The following SHANK2 variants were observed in gnomAD, a reference collection of about 807,000 sequenced individuals.
The protein encoded by SHANK2 is SH3 and multiple ankyrin repeat domains protein 2.
SHANK2 carries 43 observed loss-of-function variants against 133.7 expected under a neutral mutation model. That is an observed-to-expected ratio of 0.32 (90% CI 0.25 to 0.41). The LOEUF is 0.41. Ranked by LOEUF, SHANK2 falls within the 10% of genes least tolerant of loss-of-function variation. The pLI is 1.00. For missense variants in SHANK2, 1,994 were observed against 2,235.8 expected (o/e 0.89, Z 2.18); for synonymous variants, 1,017 against 952.8 (o/e 1.07, Z -1.24).
intron 3 of SHANK2, among the ~76,000 whole-genome samples, chr11:71,132,770 T>C (rs562172380): frequency 1.5e-4 from 23 of 152,354 alleles, no homozygotes; most frequent in Non-Finnish European, 2.8e-4. Flanking sequence ...GGCTTGACTT[T>C]CCATGGCAAC....
At chr11:70,818,810 C>T (rs1948457627) in intron 12 of SHANK2, among the ~76,000 whole-genome samples, 1 of 152,216 alleles carries the variant, frequency 6.6e-6, no homozygotes, top group South Asian at 2.1e-4. Context: ...GAGAAGTGGG[C>T]TCTCACCGGC....
rs1406697349 is a variant in SHANK2 at position 71,240,518 on chromosome 11, A to G, written c.-113+11907T>C. On this transcript the variant is annotated intron_variant, in intron 1 of 25. Coordinates refer to ENST00000601538, the MANE Select transcript of SHANK2 (RefSeq NM_012309.5). ...CGGGGACACTGCAGGCCAGGGGGCC[A>G]AGCAAGAAGGGGCAGACCCCAGCCC... 3.9e-5 allele frequency among the ~76,000 whole-genome samples: 6 copies of G among 152,306 alleles called. No individual in the cohort carries two copies. In the East Asian group the frequency reaches 9.7e-4, roughly 25 times the overall value.
At chr11:70,744,446 T>C (rs1946597051) in intron 14 of SHANK2, among the ~76,000 whole-genome samples, 1 of 152,216 alleles carries the variant, frequency 6.6e-6, no homozygotes, top group African/African-American at 2.4e-5. Flanking sequence ...TGGCAGGCTA[T>C]GCCCCCGGCC....
At chr11:71,167,581 G>A (rs1215018200) in intron 2 of SHANK2, among the ~76,000 whole-genome samples, 18 of 136,568 alleles carry the variant, frequency 1.3e-4, no homozygotes, top group Non-Finnish European at 1.9e-4. Context: ...GCGGCTGGCC[G>A]GGCAGAGGGA....
chr11:70,646,820 T>TTTTATTTATTTTA (rs376136787), intron 17 of SHANK2, among the ~76,000 whole-genome samples: 1 of 140,042 alleles, frequency 7.1e-6, no homozygotes, highest in African/African-American at 2.9e-5. Context: ...GGAATCTAAC[T>TTTTATTTATTTTA]TTTATTTATT....
chr11:70,853,435 G>A lies in SHANK2; in HGVS notation c.1175-32753C>T, dbSNP rs954576972. ...CGTCGGCCATTGTCACCCAGTGACC[G>A]AGAGAGGTTTGAAGCGGACTGGTGC... is the stretch of plus-strand genomic sequence containing the variant. On this transcript the variant is annotated intron_variant, in intron 11 of 25. Coordinates refer to ENST00000601538, the MANE Select transcript of SHANK2 (RefSeq NM_012309.5). Among the ~76,000 whole-genome samples the A allele has an allele frequency of 5.3e-5, 8 of 152,220 alleles. No individual in the cohort carries two copies. In the East Asian group the frequency reaches 5.8e-4, roughly 11 times the overall value.
At chr11:71,189,400 ATTCTTT>A (rs1400436917) in intron 2 of SHANK2, among the ~76,000 whole-genome samples, 2 of 152,088 alleles carry the variant, frequency 1.3e-5, no homozygotes, top group South Asian at 2.1e-4. Flanking sequence ...ATTATTTTTT[ATTCTTT>A]TTCTTTTTGA....
chr11:70,509,822 A>G (rs1454410361), intron 17 of SHANK2, among the ~76,000 whole-genome samples: 8 of 152,222 alleles, frequency 5.3e-5, no homozygotes, highest in Non-Finnish European at 1.0e-4. Flanking sequence ...TCCTGTGAAG[A>G]GAAGATGGCT....
chr11:70,816,011 C>T (rs1204447352), intron 12 of SHANK2, among the ~76,000 whole-genome samples: 2 of 152,238 alleles, frequency 1.3e-5, no homozygotes, highest in African/African-American at 4.8e-5. Context: ...CAGGCCTCTG[C>T]CACCGGGACA....
intron 8 of SHANK2, among the ~76,000 whole-genome samples, chr11:71,079,897 A>G (rs1176690447): frequency 1.6e-4 from 5 of 31,748 alleles, no homozygotes; most frequent in South Asian, 2.1e-3. Flanking sequence ...GAGGGGAAGG[A>G]AGGGGAGGGG....
intron 14 of SHANK2, among the ~76,000 whole-genome samples, chr11:70,732,591 A>G (rs113325538): frequency 0.014 from 2,108 of 152,068 alleles, 48 homozygotes; most frequent in African/African-American, 0.048. Flanking sequence ...TAGAAGCTAC[A>G]GCCGCGCTGC....
intron 2 of SHANK2, among the ~76,000 whole-genome samples, chr11:71,190,408 A>G (rs1446623436): frequency 6.6e-6 from 1 of 151,464 alleles, no homozygotes; most frequent in South Asian, 2.1e-4. Flanking sequence ...CTCCATCCAG[A>G]CCCTTAAGCA....
chr11:70,507,944 G>C (rs1554968688), intron 17 of SHANK2, among the ~76,000 whole-genome samples: 11 of 152,226 alleles, frequency 7.2e-5, no homozygotes. Context: ...GGAGTGTTTA[G>C]AGGCTCTGCA....
intron 17 of SHANK2, among the ~76,000 whole-genome samples, chr11:70,563,814 T>C (rs2059937076): frequency 1.3e-5 from 2 of 152,202 alleles, no homozygotes; most frequent in South Asian, 4.1e-4. Context: ...TCATATTCTT[T>C]ATAGTGTACC....
intron 12 of SHANK2, among the ~76,000 whole-genome samples, chr11:70,815,163 G>C (rs1019473688): frequency 1.1e-4 from 15 of 141,128 alleles, no homozygotes; most frequent in Non-Finnish European, 2.0e-4. Flanking sequence ...CCTTTAGGAG[G>C]ATGGGAGAAG....
intron 1 of SHANK2, among the ~76,000 whole-genome samples, chr11:71,231,656 G>A (rs1954743717): frequency 6.6e-6 from 1 of 152,182 alleles, no homozygotes; most frequent in African/African-American, 2.4e-5. Context: ...GGGAGGCCAA[G>A]GTAGGTGAAT....
At chr11:71,217,873 CAG>C (rs1954446043) in intron 2 of SHANK2, among the ~76,000 whole-genome samples, 1 of 152,278 alleles carries the variant, frequency 6.6e-6, no homozygotes. Context: ...TTTTTTGAGA[CAG>C]AGTCTCGCTC....
intron 10 of SHANK2, among the ~76,000 whole-genome samples, chr11:70,940,155 T>TTTCCTTCCTTCCTTCCTTCCTTCC (rs113406010): frequency 2.5e-5 from 3 of 119,778 alleles, no homozygotes; most frequent in African/African-American, 1.1e-4. Flanking sequence ...AGAGAATCAA[T>TTTCCTTCCTTCCTTCCTTCCTTCC]TTCCTTCCTT....
At chr11:71,203,594 CAAAAGAAAA>C in intron 2 of SHANK2, among the ~76,000 whole-genome samples, 1 of 151,938 alleles carries the variant, frequency 6.6e-6, no homozygotes, top group South Asian at 2.1e-4. Flanking sequence ...GACTCCATCT[CAAAAGAAAA>C]AAAAGAAAAG....
Sources: allele counts gnomAD v4.1 joint callset (sites outside exome capture counted in the v4.1 genomes callset), GRCh38; gene constraint gnomAD v4.1.1; transcripts MANE v1.5; gene names NCBI Gene and HGNC (gene_info 2026-07-23, HGNC 2026-07-21).